The following RBM19 variants were observed in gnomAD, a reference collection of about 807,000 sequenced individuals.
RBM19 encodes the protein probable RNA-binding protein 19.
RBM19 carries 94 observed loss-of-function variants against 116.8 expected under a neutral mutation model. That is an observed-to-expected ratio of 0.80 (90% CI 0.68 to 0.95). RBM19 has a LOEUF of 0.95. RBM19 is among the 40% of genes least tolerant of loss of function. The pLI is 0.00. For missense variants in RBM19, 1,161 were observed against 1,220.7 expected (o/e 0.95, Z 0.73); for synonymous variants, 475 against 494.1 (o/e 0.96, Z 0.51).
rs1443206202 is a variant in RBM19 at position 113,908,494 on chromosome 12, T to TAAGATCTC, written c.2558+6467_2558+6474dup. ...GGACAGGAGATGCAAGCCTTGTAAT[T>TAAGATCTC]AAGATCTCCAGACACCTGTTGTGAA... is the stretch of plus-strand genomic sequence containing the variant. On this transcript the variant is annotated intron_variant, in intron 21 of 23. Transcript: ENST00000261741. Among the ~76,000 whole-genome samples the TAAGATCTC allele has an allele frequency of 2.2e-5, 3 of 137,586 alleles. 1 individual carries two copies. The allele number at this position is 137,586 out of a possible 152,430, so 90.3% of individuals were successfully genotyped here.
chr12:113,839,717 T>C (rs185256277), intron 23 of RBM19, among the ~76,000 whole-genome samples: 6 of 152,336 alleles, frequency 3.9e-5, no homozygotes, highest in Non-Finnish European at 7.3e-5. Context: ...GTTACTTCCC[T>C]GATCACTGTC....
chr12:113,849,359 A>T (rs1877266195), intron 22 of RBM19, among the ~76,000 whole-genome samples: 1 of 152,248 alleles, frequency 6.6e-6, no homozygotes, highest in Non-Finnish European at 1.5e-5. Context: ...TCTTGAGAAC[A>T]CGTCTCCAGA....
rs1035453652 is a variant in RBM19, at chr12:113,898,687, C to T, written c.2558+16282G>A. Among the ~76,000 whole-genome samples the T allele has an allele frequency of 6.6e-6, 1 of 152,234 alleles. No individual in the cohort carries two copies. The highest frequency in any genetic ancestry group is 1.5e-5 in the Non-Finnish European group (1 of 68,040). ...AATGAAGCCTTCAATTTGGTATTCT[C>T]ATCCTGCACAAGCACTTACTTATGC... is the stretch of plus-strand genomic sequence containing the variant. On this transcript the variant is annotated intron_variant, in intron 21 of 23. Transcript: ENST00000261741. The surrounding 1 kb of genome is among the most constrained non-coding windows in gnomAD (Gnocchi z 4.3).
Position 113,834,580 on chromosome 12 carries a change from G to A in RBM19, c.2785+10088C>T, listed in dbSNP as rs1875711579. ...CTTGCAGGGGAAGAAAGTAGCCCTA[G>A]ACGATATATGAACAAATGGGCATGC... On this transcript the variant is annotated intron_variant, in intron 23 of 23. Coordinates refer to ENST00000261741, the MANE Select transcript of RBM19 (RefSeq NM_016196.4). Among the ~76,000 whole-genome samples, 3 of 152,326 alleles carry A rather than the reference G, an allele frequency of 2.0e-5. No homozygotes were observed. The South Asian group carries it at 6.2e-4, about 32-fold the overall frequency.
intron 21 of RBM19, among the ~76,000 whole-genome samples, chr12:113,890,015 T>C (rs993449032): frequency 6.6e-6 from 1 of 152,252 alleles, no homozygotes; most frequent in South Asian, 2.1e-4. Flanking sequence ...CTTTCCGGGC[T>C]GGAGCCCAGG....
intron 21 of RBM19, among the ~76,000 whole-genome samples, chr12:113,902,225 A>G (rs934245187): frequency 2.0e-5 from 3 of 152,186 alleles, no homozygotes; most frequent in African/African-American, 7.2e-5. Flanking sequence ...TGGTTTTATC[A>G]CAAGGACCCC....
At chr12:113,927,600 A>C (rs55947337) in intron 16 of RBM19, among the ~76,000 whole-genome samples, 14,103 of 99,758 alleles carry the variant, frequency 0.14, 792 homozygotes, top group East Asian at 0.31. Context: ...ACAAAAAAAA[A>C]AAAACAAAAA....
intron 15 of RBM19, among the ~76,000 whole-genome samples, chr12:113,937,724 T>C (rs1870197366): frequency 1.3e-5 from 2 of 148,306 alleles, no homozygotes; most frequent in African/African-American, 5.0e-5. Context: ...GCTAGGATTC[T>C]GCCACTGCAC....
chr12:113,912,150 AGGCACTGC>A (rs1882468517), intron 21 of RBM19, among the ~76,000 whole-genome samples: 1 of 152,180 alleles, frequency 6.6e-6, no homozygotes. Flanking sequence ...GAAGGGCCCC[AGGCACTGC>A]TGCCTCGGGC....
chr12:113,942,638 T>A (rs1159955884), intron 13 of RBM19, among the ~76,000 whole-genome samples: 1 of 149,488 alleles, frequency 6.7e-6, no homozygotes, highest in African/African-American at 2.5e-5. Context: ...TCTCACTCTG[T>A]CATATCTGTC....
At chr12:113,869,253 G>A (rs1389203573) in intron 21 of RBM19, among the ~76,000 whole-genome samples, 3 of 152,212 alleles carry the variant, frequency 2.0e-5, no homozygotes, top group Non-Finnish European at 4.4e-5. Context: ...GTGATTCTGT[G>A]ATTCGTGGAA....
chr12:113,942,409 C>T lies in RBM19; in HGVS notation c.1652G>A (p.Arg551His), dbSNP rs550384751. 15 of 1,608,216 alleles carry T rather than the reference C, an allele frequency of 9.3e-6. No individual in the cohort carries two copies. Among genetic ancestry groups the T allele is most frequent in the African/African-American group, 2.7e-5 (2 of 74,998 alleles). The change falls in exon 14 of 24, where the codon CGC becomes CAC. Residue 551 changes from arginine (R) to histidine (H), a missense_variant. Coordinates refer to ENST00000261741, the MANE Select transcript of RBM19 (RefSeq NM_016196.4). Reference protein sequence around the residue: ...DHETKGSVAVRVALGETQLVQ... With the variant: ...DHETKGSVAVHVALGETQLVQ... ...GAGCTGGGTTTCCCCCAGAGCCACG[C>T]GCACGGCCACGCTGCCCTTGGTCTC...
chr12:113,868,002 A>AT (rs991984496), intron 21 of RBM19, among the ~76,000 whole-genome samples: 2 of 152,156 alleles, frequency 1.3e-5, no homozygotes, highest in African/African-American at 2.4e-5. Context: ...ACATTCTAGT[A>AT]TTTTTTCTCC....
At chr12:113,947,212 C>A in intron 11 of RBM19, 122 bp downstream of exon 11, 1 of 1,283,216 alleles carries the variant, frequency 7.8e-7, no homozygotes, top group Non-Finnish European at 1.0e-6. Context: ...CATGCCATTG[C>A]ACATTTTCTT....
Position 113,823,092 on chromosome 12 carries a change from T to A in RBM19, c.*132A>T, listed in dbSNP as rs1874549764. On this transcript the variant is annotated 3_prime_UTR_variant, in exon 24 of 24. Transcript: ENST00000261741. ...CCTCATCCCCTGTCTCCTCCGACCT[T>A]GGACCAGTGCAGGGTGGGGCCGCCT... 7 of 771,016 alleles carry A rather than the reference T, an allele frequency of 9.1e-6. No individual in the cohort carries two copies. Among genetic ancestry groups the A allele is most frequent in the African/African-American group, 7.0e-5 (4 of 56,908 alleles). 47.8% of individuals were successfully genotyped at this position (771,016 alleles called of 1,614,324 possible). A position where few individuals can be genotyped will look rare whatever the true frequency, so the allele number is the denominator to read the frequency against.
At chr12:113,910,809 G>T (rs1314749535) in intron 21 of RBM19, among the ~76,000 whole-genome samples, 1 of 132,758 alleles carries the variant, frequency 7.5e-6, no homozygotes, top group East Asian at 5.1e-4. Flanking sequence ...CTTTTGAAAT[G>T]GGGGTGGAAA....
chr12:113,936,983 C>G (rs200945462), intron 16 of RBM19, 24 bp downstream of exon 16: 1 of 1,610,424 alleles, frequency 6.2e-7, no homozygotes, highest in Non-Finnish European at 8.5e-7. Context: ...CCCAAGCCAT[C>G]CTGGTCTCAG....
chr12:113,841,589 A>T (rs1161881444), intron 23 of RBM19, among the ~76,000 whole-genome samples: 10 of 151,572 alleles, frequency 6.6e-5, no homozygotes, highest in Admixed American at 6.6e-4. Flanking sequence ...AAGCCTGGCT[A>T]TTTTTTTGTA....
intron 15 of RBM19, among the ~76,000 whole-genome samples, chr12:113,937,415 A>T (rs1363713576): frequency 6.6e-6 from 1 of 152,076 alleles, no homozygotes; most frequent in East Asian, 1.9e-4. Flanking sequence ...GTTTTTTCCA[A>T]TCAGAGTATG....
Sources: gnomAD v4.1 joint callset for allele counts (sites outside exome capture counted in the v4.1 genomes callset) on GRCh38, gnomAD v4.1.1 for gene constraint, Gnocchi (gnomAD v3.1) non-coding constraint, MANE v1.5 for transcripts, NCBI Gene and HGNC (gene_info 2026-07-23, HGNC 2026-07-21) for gene names.